METTL8: variants seen among roughly 807,000 people sequenced by gnomAD.
The protein encoded by METTL8 is tRNA N(3)-cytidine methyltransferase METTL8, mitochondrial.
Under a neutral mutation model 48.7 loss-of-function variants are expected in METTL8, and 32 were observed. The ratio of observed to expected loss-of-function variants is 0.66; its 90% CI spans 0.50 to 0.88. The LOEUF is 0.88. Among genes scored for constraint, METTL8 ranks in the 40% least tolerant of loss-of-function variants. The pLI is 0.00. For synonymous variants in METTL8, 136 were observed against 157.1 expected (o/e 0.87, Z 1.01); for missense variants, 464 against 474.4 (o/e 0.98, Z 0.20).
chr2:171,337,422 A>G lies in METTL8; in HGVS notation c.656+31T>C, dbSNP rs183938723. Reference sequence around the variant, plus strand: ...TCTCAACATTCCATAAATATGTAAAATTCTGTAGAAAGAAAACTCTTAAAA... The same window carrying G: ...TCTCAACATTCCATAAATATGTAAAGTTCTGTAGAAAGAAAACTCTTAAAA... On this transcript the variant is annotated intron_variant, in intron 5 of 9. Coordinates refer to ENST00000375258, the MANE Select transcript of METTL8 (RefSeq NM_001321154.2). The G allele has an allele frequency of 1.7e-3, 2,572 of 1,525,474 alleles. 8 individuals are homozygous for G. Among genetic ancestry groups the G allele is most frequent in the Middle Eastern group, 6.1e-3 (36 of 5,874 alleles). 94.5% of individuals were successfully genotyped at this position (1,525,474 alleles called of 1,614,324 possible).
chr2:171,337,091 T>G (rs1686203474), intron 5 of METTL8, among the ~76,000 whole-genome samples: 1 of 152,024 alleles, frequency 6.6e-6, no homozygotes. Context: ...GGTCTTGAAC[T>G]CCTGACCTCA....
chr2:171,365,955 G>GT (rs1685674131), intron 2 of METTL8, among the ~76,000 whole-genome samples: 1 of 152,220 alleles, frequency 6.6e-6, no homozygotes, highest in African/African-American at 2.4e-5. Context: ...CTGAGTGGCA[G>GT]TTTCATGAGT....
rs1213107203 is a variant in METTL8 at position 171,316,927 on chromosome 2, T to A, written c.*7245A>T. Among the ~76,000 whole-genome samples, 1 of 152,148 alleles carries A rather than the reference T, an allele frequency of 6.6e-6. No homozygotes were observed. Among genetic ancestry groups the A allele is most frequent in the Non-Finnish European group, 1.5e-5 (1 of 68,032 alleles). ...TGAGGGAGCAGGGCACAACTAAAGA[T>A]GTAAGGAGAGCGATCGCATTCTTTA... On this transcript the variant is annotated 3_prime_UTR_variant, in exon 10 of 10. Transcript: ENST00000375258.
At position 171,392,131 on chromosome 2, in the gene METTL8, G is replaced by T. The variant is rs1458969977; in HGVS notation, c.55C>A (p.His19Asn). The T allele has an allele frequency of 6.4e-7, 1 of 1,551,620 alleles. No homozygotes were observed. The highest frequency in any genetic ancestry group is 2.0e-5 in the Admixed American group (1 of 50,996). ...GGGTGGTAACCACTTTGGTATCTGT[G>T]TGGCACCTTTCCTAGCCTTAGACAA... The part of the protein sequence containing the change: ...ISCLRLGKVP[H>N]RYQSGYHPVA... Residue 19 changes from histidine to asparagine, a missense_variant, in exon 2 of 10, where the codon CAC becomes AAC. By Grantham distance (68) the His-to-Asn change is moderately conservative. Coordinates refer to ENST00000375258, the MANE Select transcript of METTL8 (RefSeq NM_001321154.2).
intron 3 of METTL8, among the ~76,000 whole-genome samples, chr2:171,360,209 A>C (rs749922938): frequency 6.6e-6 from 1 of 152,188 alleles, no homozygotes; most frequent in Non-Finnish European, 1.5e-5. Flanking sequence ...TCCCAGAAAA[A>C]GCAATAATAT....
chr2:171,345,934 T>C (rs903373309), intron 3 of METTL8, among the ~76,000 whole-genome samples: 9 of 152,206 alleles, frequency 5.9e-5, no homozygotes, highest in African/African-American at 2.2e-4. Context: ...ATAGTAAAAT[T>C]GAAAATAAAT....
chr2:171,338,743 T>C (rs1686395175), intron 4 of METTL8, among the ~76,000 whole-genome samples: 1 of 152,142 alleles, frequency 6.6e-6, no homozygotes, highest in South Asian at 2.1e-4. Flanking sequence ...TAGCAAATTT[T>C]CTATAATCAA....
intron 1 of METTL8, among the ~76,000 whole-genome samples, chr2:171,414,068 G>C (rs574681493): frequency 6.6e-6 from 1 of 152,082 alleles, no homozygotes; most frequent in Non-Finnish European, 1.5e-5. Flanking sequence ...TTAATTTTTA[G>C]AAGACTGACT....
intron 2 of METTL8, among the ~76,000 whole-genome samples, chr2:171,373,051 A>T (rs552835789): frequency 2.6e-5 from 4 of 152,362 alleles, no homozygotes; most frequent in African/African-American, 9.6e-5. Context: ...TCCTTGAGGA[A>T]TCACCATACT....
At chr2:171,352,153 G>C (rs1684006105) in intron 3 of METTL8, among the ~76,000 whole-genome samples, 1 of 152,196 alleles carries the variant, frequency 6.6e-6, no homozygotes, top group African/African-American at 2.4e-5. Context: ...AATTTATTGA[G>C]AGTTGTTTTA....
At chr2:171,401,638 C>G (rs1179880945) in intron 1 of METTL8, among the ~76,000 whole-genome samples, 2 of 152,184 alleles carry the variant, frequency 1.3e-5, no homozygotes, top group African/African-American at 4.8e-5. Flanking sequence ...AAGCTCATCT[C>G]AAAGCCATCT....
chr2:171,353,887 C>T (rs1684233402), intron 3 of METTL8, among the ~76,000 whole-genome samples: 1 of 152,166 alleles, frequency 6.6e-6, no homozygotes, highest in Non-Finnish European at 1.5e-5. Context: ...GAATACAGCA[C>T]ACTGATGGGT....
At chr2:171,366,454 C>A (rs969229777) in intron 2 of METTL8, among the ~76,000 whole-genome samples, 12 of 152,102 alleles carry the variant, frequency 7.9e-5, no homozygotes, top group Non-Finnish European at 4.4e-5. Context: ...ATCCAGACTG[C>A]ATAGAAGATA....
intron 1 of METTL8, among the ~76,000 whole-genome samples, chr2:171,395,603 A>G (rs1299803073): frequency 6.6e-6 from 1 of 152,212 alleles, no homozygotes; most frequent in Non-Finnish European, 1.5e-5. Flanking sequence ...AAAGAGGGGC[A>G]TTTAATAATG....
chr2:171,367,513 C>T (rs1685849456), intron 2 of METTL8, among the ~76,000 whole-genome samples: 1 of 151,918 alleles, frequency 6.6e-6, no homozygotes, highest in African/African-American at 2.4e-5. Context: ...AGAATTTGCA[C>T]TACAAGAAAT....
At chr2:171,364,789 A>G (rs1685551043) in intron 2 of METTL8, among the ~76,000 whole-genome samples, 1 of 152,178 alleles carries the variant, frequency 6.6e-6, no homozygotes, top group Admixed American at 6.6e-5. Context: ...ACTTTTAATA[A>G]TCAGATATAA....
intron 2 of METTL8, among the ~76,000 whole-genome samples, chr2:171,376,118 T>TTAAC (rs1424308767): frequency 7.9e-5 from 12 of 152,362 alleles, no homozygotes; most frequent in African/African-American, 2.9e-4. Context: ...AACTGGGCAT[T>TTAAC]TGACTGCAAC....
intron 2 of METTL8, among the ~76,000 whole-genome samples, chr2:171,387,091 TC>T (rs1241199317): frequency 6.8e-6 from 1 of 147,760 alleles, no homozygotes; most frequent in East Asian, 2.0e-4. Flanking sequence ...ATCCGATTCT[TC>T]CCATACACCA....
intron 1 of METTL8, among the ~76,000 whole-genome samples, chr2:171,423,772 G>A (rs1343354366): frequency 1.3e-5 from 2 of 152,208 alleles, no homozygotes; most frequent in Non-Finnish European, 2.9e-5. Flanking sequence ...GCCTGATAAT[G>A]CAGTAGAAAT....
Sources: gnomAD v4.1 joint callset for allele counts (sites outside exome capture counted in the v4.1 genomes callset) on GRCh38, gnomAD v4.1.1 for gene constraint, MANE v1.5 for transcripts, NCBI Gene and HGNC (gene_info 2026-07-23, HGNC 2026-07-21) for gene names.